FAM53A: variants seen among roughly 807,000 people sequenced by gnomAD.
FAM53A encodes the protein protein FAM53A.
FAM53A carries 28 observed loss-of-function variants against 26.6 expected under a neutral mutation model. That is an observed-to-expected ratio of 1.05 (90% CI 0.78 to 1.45). The LOEUF (loss-of-function observed/expected upper bound fraction) is 1.45. FAM53A is among the 40% of genes most tolerant of loss of function. The pLI is 0.00. For synonymous variants in FAM53A, 290 were observed against 253.1 expected, an observed-to-expected ratio of 1.15 and a Z score of -1.38; for missense variants, 650 against 575.8, an observed-to-expected ratio of 1.13 and a Z score of -1.32.
At position 1,655,218 on chromosome 4, in the gene FAM53A, G is replaced by A. The variant is rs1051099169; in HGVS notation, c.642C>T (p.Cys214=). The A allele has an allele frequency of 2.0e-5, 31 of 1,548,158 alleles. No individual in the cohort carries two copies. The highest frequency in any genetic ancestry group is 2.3e-5 in the Non-Finnish European group (27 of 1,156,990). The change falls in exon 4 of 5, where the codon TGC becomes TGT. Residue 214 remains cysteine (C), a synonymous_variant. Transcript: ENST00000308132. ...ACGGGCGGCGCCTCGTGGAGGGCAA[G>A]CAGGACTCCGCGGAACACCAGAGCG... The part of the protein sequence containing the change: ...SGPLWCSAES[C]LPSTRRRPSL...
the FAM53A span, among the ~76,000 whole-genome samples, chr4:1,599,114 CCCG>C: frequency 6.7e-6 from 1 of 148,604 alleles, no homozygotes; most frequent in South Asian, 2.1e-4. The surrounding 1 kb of genome is among the most constrained non-coding windows in gnomAD (Gnocchi z 6.1). Context: ...CGGCTCCAAC[CCCG>C]CCTGGTACTT....
At chr4:1,632,997 C>T (rs1220994490) in intron 1 of FAM53A, among the ~76,000 whole-genome samples, 1 of 151,392 alleles carries the variant, frequency 6.6e-6, no homozygotes, top group African/African-American at 2.5e-5. Flanking sequence ...CATAGGTACA[C>T]ACTCGTGCTC....
chr4:1,623,874 G>A (rs1715165300), intron 1 of FAM53A, among the ~76,000 whole-genome samples: 1 of 152,208 alleles, frequency 6.6e-6, no homozygotes. Context: ...GGCGTTGATG[G>A]GCTCCCTCTC....
At chr4:1,673,759 G>A (rs1392758062) in intron 1 of FAM53A, among the ~76,000 whole-genome samples, 4 of 152,214 alleles carry the variant, frequency 2.6e-5, no homozygotes, top group Admixed American at 6.5e-5. Context: ...AAGTGTGCCC[G>A]CCAAGCACCA....
chr4:1,642,703 C>T (rs1331697671), intron 4 of FAM53A, among the ~76,000 whole-genome samples: 1 of 151,868 alleles, frequency 6.6e-6, no homozygotes, highest in East Asian at 1.9e-4. Context: ...GCCTCAAGTC[C>T]CCCGTCTGTG....
At chr4:1,590,534 T>G in the FAM53A span, among the ~76,000 whole-genome samples, 1 of 152,008 alleles carries the variant, frequency 6.6e-6, no homozygotes, top group Non-Finnish European at 1.5e-5. Context: ...CTTGACCTGC[T>G]TGGGAGGCGT....
chr4:1,631,464 C>T (rs57457340), intron 1 of FAM53A, among the ~76,000 whole-genome samples: 6,103 of 152,300 alleles, frequency 0.04, 352 homozygotes, highest in African/African-American at 0.14. Flanking sequence ...CCGGGCATTA[C>T]GGCTTCCTGT....
At chr4:1,674,421 G>C (rs559858519) in intron 1 of FAM53A, among the ~76,000 whole-genome samples, 3 of 152,196 alleles carry the variant, frequency 2.0e-5, no homozygotes, top group Non-Finnish European at 4.4e-5. Context: ...TGTAATCCCA[G>C]CACTTTAGGA....
At chr4:1,585,925 C>T in the FAM53A span, among the ~76,000 whole-genome samples, 1 of 152,084 alleles carries the variant, frequency 6.6e-6, no homozygotes, top group African/African-American at 2.4e-5. Flanking sequence ...TTAGTACAGA[C>T]AGGGTTTCAC....
intron 1 of FAM53A, among the ~76,000 whole-genome samples, chr4:1,631,739 A>G (rs745682540): frequency 2.6e-5 from 4 of 152,258 alleles, no homozygotes; most frequent in Non-Finnish European, 5.9e-5. Flanking sequence ...ATAAACACAC[A>G]GAAAAGCCGC....
the FAM53A span, among the ~76,000 whole-genome samples, chr4:1,600,910 C>T: frequency 8.9e-3 from 1,357 of 152,320 alleles, 8 homozygotes; most frequent in Non-Finnish European, 0.015. Context: ...TCCTGTCAGG[C>T]CCAGGCTGTT....
the FAM53A span, among the ~76,000 whole-genome samples, chr4:1,604,409 C>A: frequency 1.3e-5 from 2 of 152,146 alleles, no homozygotes; most frequent in African/African-American, 4.8e-5. Context: ...TGGAATTGGA[C>A]CCTGGACAGG....
intron 2 of FAM53A, among the ~76,000 whole-genome samples, chr4:1,667,952 C>A (rs150164714): frequency 2.2e-3 from 332 of 152,268 alleles, no homozygotes; most frequent in African/African-American, 7.7e-3. Context: ...CCGCAGGAAG[C>A]TAACGTGGTG....
Position 1,643,587 on chromosome 4 carries a change from G to A in FAM53A, c.883-1980C>T, listed in dbSNP as rs930811700. The stretch of plus-strand genomic sequence containing the variant: ...GAATAATTTTTTTTTTTTTTTTTGA[G>A]ACAGGGTCTTGCTCTGTTTCCCAGG... On this transcript the variant is annotated intron_variant, in intron 4 of 4. Transcript: ENST00000308132. Among the ~76,000 whole-genome samples, 451 of 135,168 alleles carry A rather than the reference G, an allele frequency of 3.3e-3. 5 individuals are homozygous for A. Among genetic ancestry groups the A allele is most frequent in the African/African-American group, 0.012 (432 of 36,040 alleles). The allele number at this position is 135,168 out of a possible 152,430, so 88.7% of individuals were successfully genotyped here. A position where few individuals can be genotyped will look rare whatever the true frequency, so the allele number is the denominator to read the frequency against.
At chr4:1,628,011 C>A (rs1715384820) in intron 1 of FAM53A, among the ~76,000 whole-genome samples, 1 of 128,696 alleles carries the variant, frequency 7.8e-6, no homozygotes, top group Non-Finnish European at 1.6e-5. Flanking sequence ...GGTCAACCCA[C>A]ATGCACCTGG....
At chr4:1,593,499 G>T in the FAM53A span, among the ~76,000 whole-genome samples, 2 of 152,200 alleles carry the variant, frequency 1.3e-5, no homozygotes, top group African/African-American at 4.8e-5. Flanking sequence ...AAGTGGGCTT[G>T]TAAGTATCCA....
intron 1 of FAM53A, among the ~76,000 whole-genome samples, chr4:1,676,636 T>C (rs1715062144): frequency 6.6e-6 from 1 of 152,154 alleles, no homozygotes; most frequent in Non-Finnish European, 1.5e-5. Context: ...CCTTCAGCCC[T>C]GTCCTTGGGT....
chr4:1,639,535 G>C (rs1560128473), downstream of FAM53A, among the ~76,000 whole-genome samples: 1 of 152,160 alleles, frequency 6.6e-6, no homozygotes, highest in African/African-American at 2.4e-5. Flanking sequence ...CCAACGACAG[G>C]AGGGCTCCTG....
At chr4:1,603,477 A>G in the FAM53A span, among the ~76,000 whole-genome samples, 1 of 152,166 alleles carries the variant, frequency 6.6e-6, no homozygotes, top group African/African-American at 2.4e-5. Flanking sequence ...CAAGGCTGGA[A>G]GCCCCAGTGG....
Sources: allele counts gnomAD v4.1 joint callset (sites outside exome capture counted in the v4.1 genomes callset), GRCh38; gene constraint gnomAD v4.1.1; non-coding constraint Gnocchi (gnomAD v3.1); transcripts MANE v1.5; gene names NCBI Gene and HGNC (gene_info 2026-07-23, HGNC 2026-07-21).